RPL3L: variants seen among roughly 807,000 people sequenced by gnomAD.
RPL3L encodes the protein ribosomal protein uL3-like.
RPL3L carries 44 observed loss-of-function variants against 44.5 expected under a neutral mutation model. The observed-to-expected ratio is 0.99, with a 90% CI of 0.78 to 1.27. RPL3L has a LOEUF of 1.27. RPL3L is among the 50% of genes most tolerant of loss of function. The pLI is 0.00. For synonymous variants in RPL3L, 292 were observed against 230.7 expected (o/e 1.27, Z -2.41); for missense variants, 631 against 569.1 (o/e 1.11, Z -1.11).
chr16:1,947,114 G>T lies in RPL3L; in HGVS notation c.689-16C>A. ...CTTGTGACCCCTGTGAGTGAGAGGGGCTGGTGGCTGAGAGGCCAGGCTGGT... is the reference window on the plus strand; with the variant it reads ...CTTGTGACCCCTGTGAGTGAGAGGGTCTGGTGGCTGAGAGGCCAGGCTGGT... On this transcript the variant is annotated splice_polypyrimidine_tract_variant and intron_variant, in intron 5 of 9. Transcript: ENST00000268661. The T allele has an allele frequency of 6.2e-7, 1 of 1,613,302 alleles. No homozygotes were observed.
At chr16:1,947,140 C>A in intron 5 of RPL3L, 42 bp from the exon 6 acceptor site, 1 of 1,613,006 alleles carries the variant, frequency 6.2e-7, no homozygotes, top group Non-Finnish European at 8.5e-7. Context: ...CCAGGCTGGT[C>A]CCCACTGCCT....
At position 1,946,744 on chromosome 16, in the gene RPL3L, A is replaced by G. The variant is rs1348798706; in HGVS notation, c.850-18T>C. On this transcript the variant is annotated intron_variant, in intron 6 of 9. Transcript: ENST00000268661. ...CGGAAGATCTGCCAGAAGGGGGCAC[A>G]TGCCAGGGGCAGGAAGTGGCCTCTG... 9.9e-6 allele frequency: 16 copies of G among 1,611,286 alleles called. No homozygotes were observed. The highest frequency in any genetic ancestry group is 1.4e-5 in the Non-Finnish European group (16 of 1,179,572).
At chr16:1,945,811 C>A (rs1344099376) in intron 8 of RPL3L, 24 bp downstream of exon 8, 32 of 1,613,326 alleles carry the variant, frequency 2.0e-5, no homozygotes, top group Non-Finnish European at 2.6e-5. Flanking sequence ...GCACCCACTC[C>A]CCAGCCCACC....
In RPL3L at chr16:1,954,602, GCCCA is replaced by G. The variant is rs767208379; in HGVS notation, c.3+23_3+26del. The G allele has an allele frequency of 4.2e-5, 58 of 1,387,636 alleles. No individual in the cohort carries two copies. In the East Asian group the frequency reaches 1.7e-3, roughly 40 times the overall value. 86.0% of individuals were successfully genotyped at this position (1,387,636 alleles called of 1,614,324 possible). On this transcript the variant is annotated intron_variant, in intron 1 of 9. Coordinates refer to ENST00000268661, the MANE Select transcript of RPL3L (RefSeq NM_005061.3). Reference sequence around the variant, plus strand: ...CCCCAGAGTTCCAGCTCCAACCCCAGCCCACCCTCACCCTGGTCCCACCAACCAT... The same window carrying G: ...CCCCAGAGTTCCAGCTCCAACCCCAGCCCTCACCCTGGTCCCACCAACCAT...
At chr16:1,953,364 C>T (rs1278593520) in intron 2 of RPL3L, among the ~76,000 whole-genome samples, 1 of 152,154 alleles carries the variant, frequency 6.6e-6, no homozygotes, top group Non-Finnish European at 1.5e-5. Flanking sequence ...CGACTACAGG[C>T]ACTCGCCACA....
In RPL3L at chr16:1,951,937, T is replaced by C. The variant is rs534174428; in HGVS notation, c.365+937A>G. On this transcript the variant is annotated intron_variant, in intron 3 of 9. Transcript: ENST00000268661. ...AGCCAATGCTAACATTCCATCAAAT[T>C]AGCCTTTTGGTTTTTTGTTTGTTTG... 2.0e-4 allele frequency among the ~76,000 whole-genome samples: 31 copies of C among 151,714 alleles called. No homozygotes were observed. In the South Asian group the frequency reaches 2.7e-3, roughly 13 times the overall value.
intron 4 of RPL3L, among the ~76,000 whole-genome samples, chr16:1,948,371 G>C (rs1002919958): frequency 6.6e-6 from 1 of 151,824 alleles, no homozygotes; most frequent in Non-Finnish European, 1.5e-5. Context: ...TTACAGGTGT[G>C]TGCCACCATG....
In RPL3L at chr16:1,945,523, T is replaced by C. The variant is rs953815885; in HGVS notation, c.1143A>G (p.Thr381=). ...CCATGAAGGCCCTCTTCTCTTGGGC[T>C]GTCTGGAAGCGGCCATGGCCGAACT... ...TSKFGHGRFQ[T]AQEKRAFMGP... is the part of the protein sequence containing the mutation. Residue 381 remains threonine, a synonymous_variant, in exon 9 of 10, where the codon ACA becomes ACG. Transcript: ENST00000268661. The C allele has an allele frequency of 1.2e-6, 2 of 1,613,430 alleles. No individual in the cohort carries two copies. The highest frequency in any genetic ancestry group is 1.7e-6 in the Non-Finnish European group (2 of 1,179,802).
In RPL3L at chr16:1,944,754, C is replaced by G. The variant is rs1373299043; in HGVS notation, c.*83G>C. 3.1e-6 allele frequency: 5 copies of G among 1,589,670 alleles called. No individual in the cohort carries two copies. Among genetic ancestry groups the G allele is most frequent in the Non-Finnish European group, 4.3e-6 (5 of 1,158,404 alleles). On this transcript the variant is annotated 3_prime_UTR_variant, in exon 10 of 10. Transcript: ENST00000268661. ...GCGGTTACACAGCGCTCTGAGACCT[C>G]GCAGGAAGAGTCGCCTCCGGCCTTT...
chr16:1,950,230 T>C (rs1444406843), intron 4 of RPL3L, among the ~76,000 whole-genome samples: 1 of 151,948 alleles, frequency 6.6e-6, no homozygotes, highest in Non-Finnish European at 1.5e-5. Flanking sequence ...ACCTCCTGCA[T>C]ACCAGGCTCT....
Position 1,945,959 on chromosome 16 carries a change from C to T in RPL3L, c.952-29G>A, listed in dbSNP as rs185751836. 608 of 1,576,756 alleles carry T rather than the reference C, an allele frequency of 3.9e-4. 13 individuals are homozygous for T. In the Admixed American group the frequency reaches 0.01, roughly 26 times the overall value. ...CAGAGGACACAGGTCAGAGGCCAGG[C>T]CCGGAAAGGGCTTCTGAGTTAGTGG... On this transcript the variant is annotated intron_variant, in intron 7 of 9. Transcript: ENST00000268661.
At chr16:1,953,346 A>G (rs926784901) in intron 2 of RPL3L, among the ~76,000 whole-genome samples, 39 of 150,896 alleles carry the variant, frequency 2.6e-4, no homozygotes, top group African/African-American at 9.7e-4. Context: ...CAGCCTCCCA[A>G]GTAGCTGCGA....
At chr16:1,954,345 C>T (rs1034975025) in intron 1 of RPL3L, among the ~76,000 whole-genome samples, 197 bp from the exon 2 acceptor site, 2 of 152,124 alleles carry the variant, frequency 1.3e-5, no homozygotes, top group Admixed American at 6.5e-5. Flanking sequence ...GTCTCCATAG[C>T]CACAGGCTTC....
At chr16:1,949,264 T>C (rs1227877795) in intron 4 of RPL3L, among the ~76,000 whole-genome samples, 6 of 117,652 alleles carry the variant, frequency 5.1e-5, no homozygotes, top group South Asian at 2.8e-4. Context: ...TTTTTCTTTT[T>C]TTTTTTTTTT....
intron 4 of RPL3L, 141 bp from the exon 5 acceptor site, chr16:1,947,521 T>C (rs1222996111): frequency 1.9e-6 from 2 of 1,034,438 alleles, no homozygotes; most frequent in Non-Finnish European, 1.4e-6. Flanking sequence ...TTGCAACCCA[T>C]GTGTTGTGCT....
chr16:1,948,731 T>G (rs953001095), intron 4 of RPL3L, among the ~76,000 whole-genome samples: 2 of 150,918 alleles, frequency 1.3e-5, no homozygotes, highest in East Asian at 2.0e-4. Flanking sequence ...TTGTTTGTTT[T>G]TTGAGACGGA....
intron 2 of RPL3L, among the ~76,000 whole-genome samples, chr16:1,953,348 T>C (rs1343331305): frequency 7.0e-6 from 1 of 142,018 alleles, no homozygotes; most frequent in South Asian, 2.1e-4. Flanking sequence ...GCCTCCCAAG[T>C]AGCTGCGACT....
At chr16:1,945,440 C>T in intron 9 of RPL3L, 59 bp downstream of exon 9, 1 of 1,566,446 alleles carries the variant, frequency 6.4e-7, no homozygotes, top group Non-Finnish European at 8.7e-7. Context: ...CCTACTCGGG[C>T]AGGCTGGATG....
chr16:1,945,003 CT>C (rs1269158511), intron 9 of RPL3L, 110 bp from the exon 10 acceptor site: 1 of 1,341,224 alleles, frequency 7.5e-7, no homozygotes, highest in African/African-American at 1.5e-5. Flanking sequence ...CCCCCTAAGG[CT>C]GCTTCCTCCC....
Sources: allele counts gnomAD v4.1 joint callset (sites outside exome capture counted in the v4.1 genomes callset), GRCh38; gene constraint gnomAD v4.1.1; transcripts MANE v1.5; gene names NCBI Gene and HGNC (gene_info 2026-07-23, HGNC 2026-07-21).